CLTC: variants seen among roughly 807,000 people sequenced by gnomAD.
The protein encoded by CLTC is clathrin heavy chain 1.
In CLTC, 16 loss-of-function variants were observed where a neutral mutation model predicts 195.8. That is an observed-to-expected ratio of 0.08 (90% CI 0.06 to 0.12). The LOEUF (loss-of-function observed/expected upper bound fraction) is 0.12. CLTC is among the 10% of genes least tolerant of loss of function. CLTC has a pLI of 1.00. For synonymous variants in CLTC, 667 were observed against 689.4 expected, an observed-to-expected ratio of 0.97 and a Z score of 0.51; for missense variants, 796 against 2,027.0, an observed-to-expected ratio of 0.39 and a Z score of 11.66.
chr17:59,656,280 T>C, intron 6 of CLTC: 1 of 320,508 alleles, frequency 3.1e-6, no homozygotes, highest in South Asian at 3.7e-5. Context: ...AAAGTCTCTC[T>C]TTAATCCTGT....
At chr17:59,647,121 C>G (rs1312456819) in intron 2 of CLTC, among the ~76,000 whole-genome samples, 1 of 152,094 alleles carries the variant, frequency 6.6e-6, no homozygotes, top group East Asian at 1.9e-4. Context: ...GAAAACTATT[C>G]ATTAGGCTTA....
chr17:59,689,038 T>TAC (rs2033242403), intron 30 of CLTC: 3 of 152,178 alleles, frequency 2.0e-5, no homozygotes, highest in Admixed American at 2.0e-4. Flanking sequence ...AAAATGGACA[T>TAC]TTCATATGGT....
At chr17:59,662,515 A>G (rs894345182) in intron 8 of CLTC, among the ~76,000 whole-genome samples, 4 of 152,214 alleles carry the variant, frequency 2.6e-5, no homozygotes, top group Non-Finnish European at 5.9e-5. Context: ...AAGTTGTAGT[A>G]TGGAATTGCC....
chr17:59,663,751 A>G, intron 8 of CLTC, 91 bp from the exon 9 acceptor site: 1 of 1,034,380 alleles, frequency 9.7e-7, no homozygotes, highest in Non-Finnish European at 1.4e-6. Context: ...TACCTTTCAT[A>G]CTAGTTATTA....
rs1233521147 is a variant in CLTC, at chr17:59,674,524, C to T, written c.2419-177C>T. 21 of 542,980 alleles carry T rather than the reference C, an allele frequency of 3.9e-5. 1 individual carries two copies. In the South Asian group the frequency reaches 5.1e-4, roughly 13 times the overall value. The allele number at this position is 542,980 out of a possible 1,614,324, so 33.6% of individuals were successfully genotyped here. ...TGAAGTCTTGTTTTTAGCTGGACTT[C>T]CTGCTAAATTCCTCTATCTAGTTGC... On this transcript the variant is annotated intron_variant, in intron 15 of 31. Coordinates refer to ENST00000269122, the MANE Select transcript of CLTC (RefSeq NM_004859.4).
chr17:59,674,756 C>G lies in CLTC; in HGVS notation c.2474C>G (p.Ser825Cys). Residue 825 changes from serine (S) to cysteine (C), a missense_variant, in exon 16 of 32, where the codon TCT (serine) becomes TGT (cysteine). By Grantham distance (112) the Ser-to-Cys change is moderately radical. Transcript: ENST00000269122. ...VIGGLLDVDC[S>C]EDVIKNLILV... ...GGAGGATTACTTGATGTTGACTGTT[C>G]TGAAGATGTCATAAAAAACTTGATT... 1 of 1,613,118 alleles carries G rather than the reference C, an allele frequency of 6.2e-7. No homozygotes were observed. Among genetic ancestry groups the G allele is most frequent in the Non-Finnish European group, 8.5e-7 (1 of 1,179,440 alleles).
At chr17:59,653,171 G>GTTTATTTA (rs939636869) in intron 5 of CLTC, among the ~76,000 whole-genome samples, 4 of 150,872 alleles carry the variant, frequency 2.7e-5, no homozygotes, top group African/African-American at 4.9e-5. Context: ...TTATTTATTT[G>GTTTATTTA]TTTATTTATT....
chr17:59,656,099 A>G, intron 6 of CLTC, 72 bp downstream of exon 6: 1 of 1,305,038 alleles, frequency 7.7e-7, no homozygotes. Context: ...TGTCCTTTTG[A>G]GAAATTACTC....
At chr17:59,636,510 C>T (rs1481802689) in intron 1 of CLTC, among the ~76,000 whole-genome samples, 3 of 151,932 alleles carry the variant, frequency 2.0e-5, no homozygotes, top group East Asian at 3.9e-4. Flanking sequence ...GGCTGGAGTG[C>T]GGTGGCGCGA....
chr17:59,630,316 T>A (rs1044168714), intron 1 of CLTC, among the ~76,000 whole-genome samples: 2 of 152,238 alleles, frequency 1.3e-5, no homozygotes, highest in Non-Finnish European at 2.9e-5. Context: ...TTTATAATTT[T>A]AAATGTCTGT....
rs116681445 is a variant in CLTC at position 59,690,771 on chromosome 17, T to C, written c.4903+60T>C. 63 of 1,285,800 alleles carry C rather than the reference T, an allele frequency of 4.9e-5. No homozygotes were observed. The African/African-American group carries it at 7.7e-4, about 16-fold the overall frequency. The allele number at this position is 1,285,800 out of a possible 1,614,324, so 79.6% of individuals were successfully genotyped here. A position where few individuals can be genotyped will look rare whatever the true frequency, so the allele number is the denominator to read the frequency against. On this transcript the variant is annotated intron_variant, in intron 31 of 31. Transcript: ENST00000269122. ...GACAAATATTTAATTACTTAGAGAC[T>C]GTGCCTCAAAATAGAATACAACAAG...
In CLTC at chr17:59,682,167, C is replaced by T; in HGVS notation, c.3443-104C>T. The T allele has an allele frequency of 9.4e-7, 1 of 1,067,354 alleles. No homozygotes were observed. Among genetic ancestry groups the T allele is most frequent in the Admixed American group, 2.3e-5 (1 of 42,562 alleles). The allele number at this position is 1,067,354 out of a possible 1,614,324, so 66.1% of individuals were successfully genotyped here. A position where few individuals can be genotyped will look rare whatever the true frequency, so the allele number is the denominator to read the frequency against. ...TTGCACGGTTTACATTTGTCATTAT[C>T]CATGTTTCCTTGAAAAGGAAATGAA... On this transcript the variant is annotated intron_variant, in intron 21 of 31. Coordinates refer to ENST00000269122, the MANE Select transcript of CLTC (RefSeq NM_004859.4). The surrounding 1 kb of genome is among the most constrained non-coding windows in gnomAD (Gnocchi z 6.8).
chr17:59,626,989 C>G (rs1374515473), intron 1 of CLTC, among the ~76,000 whole-genome samples: 1 of 152,088 alleles, frequency 6.6e-6, no homozygotes, highest in African/African-American at 2.4e-5. Flanking sequence ...CCTTGACCTC[C>G]CTGGGCTTAG....
intron 1 of CLTC, among the ~76,000 whole-genome samples, chr17:59,637,698 CAAA>C (rs35693192): frequency 4.4e-5 from 5 of 113,524 alleles, no homozygotes; most frequent in Non-Finnish European, 1.8e-5. Flanking sequence ...CCTATCTCTA[CAAA>C]AAAAAAAAAA....
chr17:59,632,522 A>C (rs888095558), intron 1 of CLTC, among the ~76,000 whole-genome samples: 1 of 152,146 alleles, frequency 6.6e-6, no homozygotes, highest in African/African-American at 2.4e-5. Flanking sequence ...AATTTAAAAA[A>C]ACAAAACAAA....
At chr17:59,687,321 C>T (rs1048286087) in intron 30 of CLTC, among the ~76,000 whole-genome samples, 1 of 152,090 alleles carries the variant, frequency 6.6e-6, no homozygotes, top group African/African-American at 2.4e-5. Flanking sequence ...ATATTAATTT[C>T]AAAGTAACAG....
chr17:59,692,834 T>G (rs1345104718), intron 31 of CLTC, among the ~76,000 whole-genome samples: 1 of 151,846 alleles, frequency 6.6e-6, no homozygotes, highest in Admixed American at 6.6e-5. Flanking sequence ...GAGACGGGGT[T>G]TCACCATATC....
chr17:59,656,179 G>A, intron 6 of CLTC, 152 bp downstream of exon 6: 1 of 617,672 alleles, frequency 1.6e-6, no homozygotes, highest in Non-Finnish European at 2.6e-6. Context: ...TAGTAACTTT[G>A]GATATTAGAA....
At chr17:59,674,150 A>G (rs999332793) in intron 15 of CLTC, among the ~76,000 whole-genome samples, 1 of 148,910 alleles carries the variant, frequency 6.7e-6, no homozygotes, top group Non-Finnish European at 1.5e-5. Flanking sequence ...GGAAGGGGGA[A>G]AAAAAAAACA....
Sources: allele counts gnomAD v4.1 joint callset (sites outside exome capture counted in the v4.1 genomes callset), GRCh38; gene constraint gnomAD v4.1.1; non-coding constraint Gnocchi (gnomAD v3.1); transcripts MANE v1.5; gene names NCBI Gene and HGNC (gene_info 2026-07-23, HGNC 2026-07-21).